Variants in ADAMTS3 observed in about 807,000 individuals in gnomAD.
ADAMTS3 encodes A disintegrin and metalloproteinase with thrombospondin motifs 3.
Under a neutral mutation model 129.0 loss-of-function variants are expected in ADAMTS3, and 73 were observed. The ratio of observed to expected loss-of-function variants is 0.57; its 90% confidence interval spans 0.47 to 0.69. The LOEUF (loss-of-function observed/expected upper bound fraction) is 0.69, where lower values mean the gene tolerates loss of function less well. Among genes scored for constraint, ADAMTS3 ranks in the 30% least tolerant of loss-of-function variants. ADAMTS3 has a pLI of 0.00. For synonymous variants in ADAMTS3, 477 were observed against 510.8 expected (o/e 0.93, Z 0.89); for missense variants, 1,457 against 1,514.5 (o/e 0.96, Z 0.63).
rs571380266 is a variant in ADAMTS3, at chr4:72,306,654, T to C, written c.2180-587A>G. On this transcript the variant is annotated intron_variant, in intron 15 of 21. Coordinates refer to ENST00000286657, the MANE Select transcript of ADAMTS3 (RefSeq NM_014243.3). ...ATTTTAAAGCTTTAGGCAAGTTTTA[T>C]GATGGGACTATTTTAACCAAATCGA... Among the ~76,000 whole-genome samples the C allele has an allele frequency of 4.6e-5, 7 of 152,092 alleles. No homozygotes were observed. The East Asian group carries it at 1.4e-3, about 29-fold the overall frequency.
At chr4:72,519,718 T>G (rs1213956191) in intron 3 of ADAMTS3, among the ~76,000 whole-genome samples, 1 of 152,130 alleles carries the variant, frequency 6.6e-6, no homozygotes, top group Non-Finnish European at 1.5e-5. Flanking sequence ...TCTGTATTGG[T>G]TATTCTAGTT....
intron 3 of ADAMTS3, among the ~76,000 whole-genome samples, chr4:72,529,662 A>G (rs992295774): frequency 2.3e-5 from 3 of 129,100 alleles, no homozygotes; most frequent in African/African-American, 8.8e-5. Context: ...ATATATATAT[A>G]AAATATTAAA....
Position 72,567,504 on chromosome 4 carries a change from T to C in ADAMTS3, c.70-103A>G, listed in dbSNP as rs191625059. ...TTAATGGTTTCCAAGAGCTAACTAATCAGGAGATGCTAGAGACTGGGATTG... is the reference window on the plus strand; with the variant it reads ...TTAATGGTTTCCAAGAGCTAACTAACCAGGAGATGCTAGAGACTGGGATTG... On this transcript the variant is annotated intron_variant, in intron 1 of 21. Coordinates refer to ENST00000286657, the MANE Select transcript of ADAMTS3 (RefSeq NM_014243.3). 326 of 1,193,200 alleles carry C rather than the reference T, an allele frequency of 2.7e-4. 2 individuals carry two copies. The African/African-American group carries it at 4.5e-3, about 17-fold the overall frequency. 73.9% of individuals were successfully genotyped at this position (1,193,200 alleles called of 1,614,324 possible). A position where few individuals can be genotyped will look rare whatever the true frequency, so the allele number is the denominator to read the frequency against.
At position 72,319,572 on chromosome 4, in the gene ADAMTS3, G is replaced by C. The variant is rs561796809; in HGVS notation, c.1209-97C>G. ...AAGCCCTGGGAAATAACGTATTTTT[G>C]AGTCAACGTGGCTTTCTTGAAGAAG... On this transcript the variant is annotated intron_variant, in intron 8 of 21. Coordinates refer to ENST00000286657, the MANE Select transcript of ADAMTS3 (RefSeq NM_014243.3). 6.4e-6 allele frequency: 9 copies of C among 1,404,940 alleles called. No homozygotes were observed. In the South Asian group the frequency reaches 1.3e-4, roughly 20 times the overall value. The allele number at this position is 1,404,940 out of a possible 1,614,324, so 87.0% of individuals were successfully genotyped here.
chr4:72,333,039 C>G (rs998855855), intron 5 of ADAMTS3, among the ~76,000 whole-genome samples: 1 of 152,086 alleles, frequency 6.6e-6, no homozygotes, highest in Non-Finnish European at 1.5e-5. Context: ...ACTGTCTGAC[C>G]CTGGGAACAT....
intron 3 of ADAMTS3, among the ~76,000 whole-genome samples, chr4:72,457,971 T>G (rs1718668571): frequency 6.7e-6 from 1 of 149,206 alleles, no homozygotes; most frequent in Non-Finnish European, 1.5e-5. Context: ...GTTTGGGAGA[T>G]TAAAGGACAG....
chr4:72,295,821 A>C, intron 18 of ADAMTS3, 35 bp from the exon 19 acceptor site: 1 of 1,599,816 alleles, frequency 6.3e-7, no homozygotes, highest in Non-Finnish European at 8.5e-7. Context: ...GGATTTAATC[A>C]CTTCTTCATG....
chr4:72,285,085 G>C (rs1036781632), intron 21 of ADAMTS3, among the ~76,000 whole-genome samples: 18 of 152,114 alleles, frequency 1.2e-4, no homozygotes, highest in Admixed American at 3.3e-4. Context: ...CTAAGAAAGA[G>C]GCCTGCTACA....
chr4:72,399,775 ACGG>A (rs1721835978), intron 4 of ADAMTS3, among the ~76,000 whole-genome samples: 7 of 150,904 alleles, frequency 4.6e-5, no homozygotes, highest in African/African-American at 1.7e-4. Flanking sequence ...ATATACACAC[ACGG>A]TGTGTACGCA....
chr4:72,466,676 G>T (rs1045709552), intron 3 of ADAMTS3, among the ~76,000 whole-genome samples: 9 of 151,920 alleles, frequency 5.9e-5, no homozygotes, highest in African/African-American at 2.2e-4. Context: ...TCCCTGGTAG[G>T]CTCCATGTAA....
At chr4:72,496,712 G>T (rs542290413) in intron 3 of ADAMTS3, among the ~76,000 whole-genome samples, 2 of 152,128 alleles carry the variant, frequency 1.3e-5, no homozygotes, top group East Asian at 3.9e-4. Context: ...TAGTAAGGAA[G>T]GCTCTTTGAA....
chr4:72,524,548 T>A (rs1720760120), intron 3 of ADAMTS3, among the ~76,000 whole-genome samples: 1 of 151,826 alleles, frequency 6.6e-6, no homozygotes, highest in African/African-American at 2.4e-5. Context: ...ATTATTATTA[T>A]TAATTATTAT....
chr4:72,448,796 A>G (rs1449723835), intron 3 of ADAMTS3, among the ~76,000 whole-genome samples: 1 of 151,758 alleles, frequency 6.6e-6, no homozygotes, highest in Non-Finnish European at 1.5e-5. Flanking sequence ...TAAAAAAGAA[A>G]AAAAAGTATT....
chr4:72,427,059 AACAAC>A (rs1396285512), intron 3 of ADAMTS3, among the ~76,000 whole-genome samples: 2 of 152,142 alleles, frequency 1.3e-5, no homozygotes, highest in African/African-American at 4.8e-5. Flanking sequence ...AATGGCTTAA[AACAAC>A]ACAAACTTAT....
intron 3 of ADAMTS3, among the ~76,000 whole-genome samples, chr4:72,415,305 G>C (rs1722277385): frequency 6.6e-6 from 1 of 151,826 alleles, no homozygotes; most frequent in African/African-American, 2.4e-5. Context: ...TTTATATCTA[G>C]TAAGAATCAT....
chr4:72,296,002 AACT>A (rs1718796964), intron 18 of ADAMTS3, among the ~76,000 whole-genome samples: 1 of 152,082 alleles, frequency 6.6e-6, no homozygotes, highest in Non-Finnish European at 1.5e-5. Context: ...TAAATATTGC[AACT>A]GCATGCATGT....
intron 4 of ADAMTS3, among the ~76,000 whole-genome samples, chr4:72,383,932 A>T (rs933249738): frequency 6.6e-6 from 1 of 152,110 alleles, no homozygotes; most frequent in Non-Finnish European, 1.5e-5. Flanking sequence ...AAATATACTT[A>T]TAACGAATGA....
chr4:72,482,343 T>A (rs1205598174), intron 3 of ADAMTS3, among the ~76,000 whole-genome samples: 5 of 151,818 alleles, frequency 3.3e-5, no homozygotes, highest in Non-Finnish European at 7.4e-5. Flanking sequence ...ATGAACAAAC[T>A]ATTGATGCAT....
Position 72,548,894 on chromosome 4 carries a change from G to A in ADAMTS3, c.98-10C>T, listed in dbSNP as rs1408647266. On this transcript the variant is annotated splice_polypyrimidine_tract_variant and intron_variant, in intron 2 of 21. Transcript: ENST00000286657. Reference sequence around the variant, plus strand: ...CTCTTTATTGGTAAATCTGTGGGGTGAAAAACAGAACTGTCAAACCCTGTA... The same window carrying A: ...CTCTTTATTGGTAAATCTGTGGGGTAAAAAACAGAACTGTCAAACCCTGTA... 1 of 1,596,482 alleles carries A rather than the reference G, an allele frequency of 6.3e-7. No homozygotes were observed. The highest frequency in any genetic ancestry group is 1.7e-5 in the Admixed American group (1 of 59,568).
Sources: allele counts gnomAD v4.1 joint callset (sites outside exome capture counted in the v4.1 genomes callset), GRCh38; gene constraint gnomAD v4.1.1; transcripts MANE v1.5; gene names NCBI Gene and HGNC (gene_info 2026-07-23, HGNC 2026-07-21).